Variants in SLCO5A1 observed in about 807,000 individuals in gnomAD.
SLCO5A1 encodes organic anion transporter polypeptide-related protein 4.
SLCO5A1 carries 39 observed loss-of-function variants against 65.1 expected under a neutral mutation model. The observed-to-expected ratio is 0.60, with a 90% CI of 0.46 to 0.78. The LOEUF (loss-of-function observed/expected upper bound fraction) is 0.78. Ranked by LOEUF, SLCO5A1 falls within the 30% of genes least tolerant of loss-of-function variation. The pLI is 0.00. For missense variants in SLCO5A1, 1,029 were observed against 1,069.4 expected, an observed-to-expected ratio of 0.96 and a Z score of 0.53; for synonymous variants, 438 against 415.7, an observed-to-expected ratio of 1.05 and a Z score of -0.65.
intron 5 of SLCO5A1, among the ~76,000 whole-genome samples, chr8:69,709,664 C>A (rs17667218): frequency 0.21 from 32,147 of 151,970 alleles, 3,540 homozygotes; most frequent in Non-Finnish European, 0.25. Context: ...GCTGTAGATT[C>A]ATTTTTTATA....
chr8:69,740,479 T>C (rs1442198975), intron 4 of SLCO5A1, among the ~76,000 whole-genome samples: 1 of 152,112 alleles, frequency 6.6e-6, no homozygotes, highest in Non-Finnish European at 1.5e-5. Flanking sequence ...GATAGATAAA[T>C]AGATTAGAAG....
At chr8:69,699,491 T>C (rs1814633304) in intron 6 of SLCO5A1, among the ~76,000 whole-genome samples, 1 of 152,098 alleles carries the variant, frequency 6.6e-6, no homozygotes, top group African/African-American at 2.4e-5. Flanking sequence ...AGCACCCTGA[T>C]GAAAACTCCA....
At chr8:69,799,162 T>C (rs1305169653) in intron 2 of SLCO5A1, among the ~76,000 whole-genome samples, 1 of 152,258 alleles carries the variant, frequency 6.6e-6, no homozygotes, top group Non-Finnish European at 1.5e-5. Flanking sequence ...GTTTCAAGTC[T>C]GAGTTTTGAA....
At chr8:69,753,299 T>A (rs1817401309) in intron 4 of SLCO5A1, among the ~76,000 whole-genome samples, 1 of 152,148 alleles carries the variant, frequency 6.6e-6, no homozygotes, top group Admixed American at 6.5e-5. Flanking sequence ...CATCCAGTCA[T>A]CTGGTTAAGA....
Position 69,755,511 on chromosome 8 carries a change from C to T in SLCO5A1, c.1171G>A (p.Asp391Asn). The change falls in exon 4 of 10, where the codon GAT becomes AAT. Residue 391 changes from aspartate (D) to asparagine (N), a missense_variant. Physicochemically the swap from Asp to Asn is conservative, Grantham distance 23 (BLOSUM62 1). This residue lies in a region of SLCO5A1 where 647 missense variants were observed against 647.5 expected (regional missense o/e 1.00). Coordinates refer to ENST00000260126, the MANE Select transcript of SLCO5A1 (RefSeq NM_030958.3). ...KKKFSVDAVS[D>N]DDVLKEKSNN... ...GATTTCTCCTTCAGAACATCGTCAT[C>T]ACTAACAGCATCAACAGAAAATTTT... The T allele has an allele frequency of 4.3e-6, 7 of 1,614,118 alleles. No individual in the cohort carries two copies. Among genetic ancestry groups the T allele is most frequent in the Non-Finnish European group, 5.9e-6 (7 of 1,179,982 alleles).
intron 3 of SLCO5A1, among the ~76,000 whole-genome samples, chr8:69,759,315 T>A (rs1817659172): frequency 6.6e-6 from 1 of 152,202 alleles, no homozygotes; most frequent in Non-Finnish European, 1.5e-5. Context: ...CATTATATAT[T>A]TCTATATTGA....
chr8:69,761,944 C>T (rs1817796611), intron 2 of SLCO5A1, 69 bp from the exon 3 acceptor site: 2 of 1,560,056 alleles, frequency 1.3e-6, no homozygotes, highest in Non-Finnish European at 8.7e-7. Flanking sequence ...TCTCTCATTT[C>T]ACTCTCATAC....
At chr8:69,690,189 G>A (rs1814192087) in intron 6 of SLCO5A1, among the ~76,000 whole-genome samples, 1 of 152,146 alleles carries the variant, frequency 6.6e-6, no homozygotes, top group Non-Finnish European at 1.5e-5. Flanking sequence ...GGTTTCGCTG[G>A]ATAGTAGGTA....
At position 69,818,233 on chromosome 8, in the gene SLCO5A1, C is replaced by T. The variant is rs117441684; in HGVS notation, c.907+13534G>A. Among the ~76,000 whole-genome samples the T allele has an allele frequency of 1.2e-4, 19 of 152,312 alleles. No homozygotes were observed. In the East Asian group the frequency reaches 3.7e-3, roughly 29 times the overall value. Reference sequence around the variant, plus strand: ...CCTGATGAAGTAGAACTGCAATTAGCCCCTGATTTTACCAACAGTGGCTCC... The same window carrying T: ...CCTGATGAAGTAGAACTGCAATTAGTCCCTGATTTTACCAACAGTGGCTCC... On this transcript the variant is annotated intron_variant, in intron 2 of 9. Coordinates refer to ENST00000260126, the MANE Select transcript of SLCO5A1 (RefSeq NM_030958.3).
chr8:69,708,737 C>T (rs1001272084), intron 5 of SLCO5A1, among the ~76,000 whole-genome samples: 4 of 151,930 alleles, frequency 2.6e-5, no homozygotes, highest in African/African-American at 9.7e-5. Flanking sequence ...AACCCCGTCA[C>T]TACTAAAAAC....
rs1207631654 is a variant in SLCO5A1, at chr8:69,667,211, C to A, written c.*5658G>T. ...CCTTAAAAAGTCTCCAAATGAATATCATTTTAAAAATCACAAAATCAAACT... is the reference window on the plus strand; with the variant it reads ...CCTTAAAAAGTCTCCAAATGAATATAATTTTAAAAATCACAAAATCAAACT... On this transcript the variant is annotated 3_prime_UTR_variant, in exon 10 of 10. Coordinates refer to ENST00000260126, the MANE Select transcript of SLCO5A1 (RefSeq NM_030958.3). The A allele has an allele frequency of 6.6e-6, 1 of 152,128 alleles. No homozygotes were observed. Among genetic ancestry groups the A allele is most frequent in the Non-Finnish European group, 1.5e-5 (1 of 68,012 alleles). The allele number at this position is 152,128 out of a possible 1,614,324, so 9.4% of individuals were successfully genotyped here.
At chr8:69,680,623 A>T (rs1813729046) in intron 7 of SLCO5A1, among the ~76,000 whole-genome samples, 1 of 152,164 alleles carries the variant, frequency 6.6e-6, no homozygotes, top group Non-Finnish European at 1.5e-5. Context: ...CTGGTAGAAC[A>T]ATTTGTTTTC....
rs751599821 is a variant in SLCO5A1, at chr8:69,832,455, C to A, written c.219G>T (p.Lys73Asn). The A allele has an allele frequency of 1.2e-6, 2 of 1,613,008 alleles. No individual in the cohort carries two copies. Among genetic ancestry groups the A allele is most frequent in the Non-Finnish European group, 1.7e-6 (2 of 1,179,608 alleles). ...TGGGGGCCAACGGGTTCGGGCCTTGCTTCAACTCCTGGTGGCCCGAAGAAT... is the reference window on the plus strand; with the variant it reads ...TGGGGGCCAACGGGTTCGGGCCTTGATTCAACTCCTGGTGGCCCGAAGAAT... ...CVDSSGHQEL[K>N]QGPNPLAPSP... Residue 73 changes from lysine (K) to asparagine (N), a missense_variant, in exon 2 of 10, where the codon AAG (lysine) becomes AAT (asparagine). By Grantham distance (94) the Lys-to-Asn change is moderately conservative. Transcript: ENST00000260126. The surrounding 1 kb of genome is among the most constrained non-coding windows in gnomAD (Gnocchi z 4.5).
At chr8:69,782,312 C>T (rs961616062) in intron 2 of SLCO5A1, among the ~76,000 whole-genome samples, 16 of 151,890 alleles carry the variant, frequency 1.1e-4, no homozygotes, top group Non-Finnish European at 1.3e-4. Flanking sequence ...CCTAGCACAG[C>T]GGCTCACACC....
intron 5 of SLCO5A1, among the ~76,000 whole-genome samples, chr8:69,711,172 A>G (rs1461251027): frequency 6.6e-6 from 1 of 151,986 alleles, no homozygotes; most frequent in Non-Finnish European, 1.5e-5. Flanking sequence ...GATAAATAGA[A>G]AAGATGGGTT....
At chr8:69,830,830 G>C (rs911483131) in intron 2 of SLCO5A1, among the ~76,000 whole-genome samples, 1 of 152,176 alleles carries the variant, frequency 6.6e-6, no homozygotes, top group Admixed American at 6.5e-5. Context: ...CAGAAAAATA[G>C]GAATGGATTC....
At chr8:69,784,410 A>G (rs1818922217) in intron 2 of SLCO5A1, among the ~76,000 whole-genome samples, 1 of 152,230 alleles carries the variant, frequency 6.6e-6, no homozygotes, top group Non-Finnish European at 1.5e-5. Context: ...AAGGATGTGG[A>G]GCAACTAGAA....
At chr8:69,680,972 T>C (rs905555239) in intron 7 of SLCO5A1, among the ~76,000 whole-genome samples, 1 of 152,178 alleles carries the variant, frequency 6.6e-6, no homozygotes, top group African/African-American at 2.4e-5. Context: ...ACTGTTTGGC[T>C]GTCATGCTCA....
chr8:69,687,833 C>T (rs1438780731), intron 6 of SLCO5A1, among the ~76,000 whole-genome samples: 1 of 151,254 alleles, frequency 6.6e-6, no homozygotes, highest in African/African-American at 2.4e-5. Context: ...GTTAATATAA[C>T]ATATTTTAAC....
Sources: allele counts gnomAD v4.1 joint callset (sites outside exome capture counted in the v4.1 genomes callset), GRCh38; gene constraint gnomAD v4.1.1; regional missense constraint gnomAD v4.1.1; non-coding constraint Gnocchi (gnomAD v3.1); transcripts MANE v1.5; gene names NCBI Gene and HGNC (gene_info 2026-07-23, HGNC 2026-07-21).